The following ALDH18A1 variants were observed in gnomAD, a reference collection of about 807,000 sequenced individuals.
The protein encoded by ALDH18A1 is aldehyde dehydrogenase 18 family member A1.
A neutral mutation model predicts 88.8 loss-of-function variants in ALDH18A1; 44 were observed. The ratio of observed to expected loss-of-function variants is 0.50; its 90% CI spans 0.39 to 0.64. The LOEUF (loss-of-function observed/expected upper bound fraction) is 0.64, where lower values mean the gene tolerates loss of function less well. Ranked by LOEUF, ALDH18A1 falls within the 30% of genes least tolerant of loss-of-function variation. The probability of loss-of-function intolerance (pLI) is 0.00; values close to 1 mark genes in which losing one functional copy is unlikely to be tolerated. For synonymous variants in ALDH18A1, 331 were observed against 372.1 expected, an observed-to-expected ratio of 0.89 and a Z score of 1.27; for missense variants, 782 against 1,009.5, an observed-to-expected ratio of 0.77 and a Z score of 3.05.
At chr10:95,648,181 A>T (rs990992490) in intron 2 of ALDH18A1, among the ~76,000 whole-genome samples, 1 of 152,144 alleles carries the variant, frequency 6.6e-6, no homozygotes, top group African/African-American at 2.4e-5. Context: ...TCAGGGAGAC[A>T]GTGTCAGAAT....
intron 7 of ALDH18A1, among the ~76,000 whole-genome samples, chr10:95,629,863 G>GA (rs2097865614): frequency 6.6e-6 from 1 of 152,080 alleles, no homozygotes; most frequent in Non-Finnish European, 1.5e-5. Context: ...TTTGGTGCTT[G>GA]AAGCTGCATC....
At chr10:95,649,043 G>T (rs2097905704) in intron 2 of ALDH18A1, among the ~76,000 whole-genome samples, 3 of 150,568 alleles carry the variant, frequency 2.0e-5, no homozygotes, top group Admixed American at 2.0e-4. Flanking sequence ...TGATTGGCAA[G>T]TCATCTTGCA....
rs1182377051 is a variant in ALDH18A1, at chr10:95,606,871, G to A, written c.2279C>T (p.Thr760Ile). Residue 760 changes from threonine to isoleucine, a missense_variant, in exon 18 of 18, where the codon ACT becomes ATT. Around this residue, in one of 3 missense-constraint regions of ALDH18A1, gnomAD observed 556 missense variants for 654.5 expected, o/e 0.85. Transcript: ENST00000371224. ...GPVGLEGLLT[T>I]KWLLRGKDHV... Reference sequence around the variant, plus strand: ...GTCCTTCCCTCGCAGCAGCCACTTAGTAGTAAGCAGTCCCTCAAGTCCTAC... The same window carrying A: ...GTCCTTCCCTCGCAGCAGCCACTTAATAGTAAGCAGTCCCTCAAGTCCTAC... The A allele has an allele frequency of 7.4e-6, 12 of 1,614,084 alleles. No homozygotes were observed. Among genetic ancestry groups the A allele is most frequent in the Non-Finnish European group, 1.0e-5 (12 of 1,180,042 alleles).
At chr10:95,637,739 C>T (rs1388387766) in intron 3 of ALDH18A1, among the ~76,000 whole-genome samples, 1 of 152,112 alleles carries the variant, frequency 6.6e-6, no homozygotes, top group Non-Finnish European at 1.5e-5. Flanking sequence ...GAGGCCAAGG[C>T]AGGCACAATG....
chr10:95,647,644 G>A (rs2097903372), intron 2 of ALDH18A1, among the ~76,000 whole-genome samples: 1 of 152,250 alleles, frequency 6.6e-6, no homozygotes, highest in Non-Finnish European at 1.5e-5. Context: ...TCAGTCCAGA[G>A]AGGGTCCTGC....
intron 2 of ALDH18A1, among the ~76,000 whole-genome samples, chr10:95,652,496 G>C (rs1460092068): frequency 6.6e-6 from 1 of 152,118 alleles, no homozygotes; most frequent in African/African-American, 2.4e-5. Context: ...CTTTGGGAGG[G>C]AGGCCGAGGC....
chr10:95,616,117 CT>C (rs1329974172), intron 13 of ALDH18A1, among the ~76,000 whole-genome samples: 2 of 152,164 alleles, frequency 1.3e-5, no homozygotes, highest in Non-Finnish European at 2.9e-5. Context: ...TTATGACAAA[CT>C]TTTGTAAAGT....
At chr10:95,617,258 T>C (rs766653422) in intron 12 of ALDH18A1, among the ~76,000 whole-genome samples, 16 of 151,982 alleles carry the variant, frequency 1.1e-4, no homozygotes, top group Non-Finnish European at 4.4e-5. Flanking sequence ...AACAAACAAA[T>C]AAAGCAAAGA....
At chr10:95,626,888 G>A (rs769268817) in intron 9 of ALDH18A1, 112 bp from the exon 10 acceptor site, 278 of 1,066,688 alleles carry the variant, frequency 2.6e-4, no homozygotes, top group Non-Finnish European at 3.8e-4. Context: ...CCCACAGAAG[G>A]AACACATGAT....
chr10:95,610,248 C>T lies in ALDH18A1; in HGVS notation c.2155G>A (p.Val719Met). The change falls in exon 17 of 18, where the codon GTG becomes ATG. Residue 719 changes from valine to methionine, a missense_variant. Transcript: ENST00000371224. ...FFLQHVDSAC[V>M]FWNASTRFSD... ...AAGCGAGTGCTGGCATTCCAGAACA[C>T]ACAGGCACTGTCTACGTGCTGCAGG... 6.2e-7 allele frequency: 1 copy of T among 1,614,132 alleles called. No individual in the cohort carries two copies. The highest frequency in any genetic ancestry group is 8.5e-7 in the Non-Finnish European group (1 of 1,179,998).
rs1354582429 is a variant in ALDH18A1, at chr10:95,653,344, G to C, written c.34C>G (p.Pro12Ala). The change falls in exon 2 of 18, where the codon CCC (proline) becomes GCC (alanine). Residue 12 changes from proline (P) to alanine (A), a missense_variant. Coordinates refer to ENST00000371224, the MANE Select transcript of ALDH18A1 (RefSeq NM_002860.4). ...LSQVYRCGFQ[P>A]FNQHLLPWVK... ...CAGGGCAGAAGATGTTGGTTGAAGG[G>C]CTGGAACCCACAGCGGTAAACTTGA... 2 of 1,612,776 alleles carry C rather than the reference G, an allele frequency of 1.2e-6. No individual in the cohort carries two copies. Among genetic ancestry groups the C allele is most frequent in the East Asian group, 4.5e-5 (2 of 44,862 alleles).
Position 95,627,467 on chromosome 10 carries a change from G to C in ALDH18A1, c.1053C>G (p.Thr351=), listed in dbSNP as rs912472066. 2 of 1,614,126 alleles carry C rather than the reference G, an allele frequency of 1.2e-6. No homozygotes were observed. The highest frequency in any genetic ancestry group is 1.7e-6 in the Non-Finnish European group (2 of 1,179,986). The stretch of plus-strand genomic sequence containing the variant: ...CTGCAGGCTTTACTTCTGAAAAGAA[G>C]GTACCAACTTTCTTCCCCTCCACAA... ...TDIVEGKKVG[T]FFSEVKPAGP... Residue 351 remains threonine (T), a synonymous_variant, in exon 9 of 18, where the codon ACC becomes ACG. Transcript: ENST00000371224.
chr10:95,633,008 C>T lies in ALDH18A1; in HGVS notation c.759G>A (p.Leu253=). 6.2e-7 allele frequency: 1 copy of T among 1,614,190 alleles called. No homozygotes were observed. Among genetic ancestry groups the T allele is most frequent in the Non-Finnish European group, 8.5e-7 (1 of 1,180,014 alleles). The change falls in exon 7 of 18, where the codon CTG becomes CTA. Residue 253 remains leucine (L), a synonymous_variant. Transcript: ENST00000371224. ...AGAGATCAGTTTTCATTTCCACAGCCAGTCGGGCAGCCAGGCTATCATTAT... is the reference window on the plus strand; with the variant it reads ...AGAGATCAGTTTTCATTTCCACAGCTAGTCGGGCAGCCAGGCTATCATTAT... ...VKDNDSLAAR[L]AVEMKTDLLI...
In ALDH18A1 at chr10:95,646,538, C is replaced by T. The variant is rs79370749; in HGVS notation, c.89-3332G>A. ...AAGGAGAGCTTCAGGGGACTCAGGG[C>T]TTGTTGGGTTTCCTATTGAACAACG... On this transcript the variant is annotated intron_variant, in intron 2 of 17. Transcript: ENST00000371224. Among the ~76,000 whole-genome samples the T allele has an allele frequency of 4.4e-3, 667 of 152,114 alleles. 2 individuals are homozygous for T. The highest frequency in any genetic ancestry group is 0.02 in the Middle Eastern group (6 of 294).
rs1436777505 is a variant in ALDH18A1 at position 95,610,197 on chromosome 10, C to G, written c.2206G>C (p.Gly736Arg). The change falls in exon 17 of 18, where the codon GGA (glycine) becomes CGA (arginine). Residue 736 changes from glycine to arginine, a missense_variant and splice_region_variant. Around this residue, in one of 3 missense-constraint regions of ALDH18A1, gnomAD observed 556 missense variants for 654.5 expected, o/e 0.85. Coordinates refer to ENST00000371224, the MANE Select transcript of ALDH18A1 (RefSeq NM_002860.4). Reference protein sequence around the residue: ...RFSDGYRFGLGAEVGISTSRI... With the variant: ...RFSDGYRFGLRAEVGISTSRI... ...TCTTCCCAACCAGAGTCTTTCTTAC[C>G]CAGTCCAAAGCGGTAACCATCAGAA... is the stretch of plus-strand genomic sequence containing the variant. The G allele has an allele frequency of 6.2e-7, 1 of 1,613,960 alleles. No homozygotes were observed. Among genetic ancestry groups the G allele is most frequent in the South Asian group, 1.1e-5 (1 of 91,072 alleles).
At position 95,626,711 on chromosome 10, in the gene ALDH18A1, G is replaced by A; in HGVS notation, c.1144C>T (p.Pro382Ser). 1 of 1,613,838 alleles carries A rather than the reference G, an allele frequency of 6.2e-7. No individual in the cohort carries two copies. Among genetic ancestry groups the A allele is most frequent in the South Asian group, 1.1e-5 (1 of 91,060 alleles). The change falls in exon 10 of 18, where the codon CCT becomes TCT. Residue 382 changes from proline (P) to serine (S), a missense_variant. Pro to Ser is a moderately conservative substitution (Grantham distance 74). Around this residue, in one of 3 missense-constraint regions of ALDH18A1, gnomAD observed 556 missense variants for 654.5 expected, o/e 0.85. Coordinates refer to ENST00000371224, the MANE Select transcript of ALDH18A1 (RefSeq NM_002860.4). ...SGGRMLATLE[P>S]EQRAEIIHHL... ...TCACCTAAGGTTATTACCTGCTCAG[G>A]TTCCAAGGTGGCCAACATCCTTCCT... is the stretch of plus-strand genomic sequence containing the variant.
intron 3 of ALDH18A1, 78 bp downstream of exon 3, chr10:95,642,914 G>A (rs2097894482): frequency 7.2e-7 from 1 of 1,380,002 alleles, no homozygotes; most frequent in Non-Finnish European, 1.0e-6. Flanking sequence ...TTAAGTTGAT[G>A]AGCAACTTAA....
chr10:95,630,760 T>C (rs1566022847), intron 7 of ALDH18A1, among the ~76,000 whole-genome samples: 1 of 152,072 alleles, frequency 6.6e-6, no homozygotes, highest in South Asian at 2.1e-4. Context: ...TGAACCAAAA[T>C]GCCTTTTTTC....
intron 2 of ALDH18A1, among the ~76,000 whole-genome samples, chr10:95,652,726 C>T (rs1400071473): frequency 1.3e-5 from 2 of 150,284 alleles, no homozygotes. Flanking sequence ...CAGAGTGAGA[C>T]TCAAGAAAAA....
Sources: allele counts gnomAD v4.1 joint callset (sites outside exome capture counted in the v4.1 genomes callset), GRCh38; gene constraint gnomAD v4.1.1; regional missense constraint gnomAD v4.1.1; transcripts MANE v1.5; gene names NCBI Gene and HGNC (gene_info 2026-07-23, HGNC 2026-07-21).